The following RTTN variants were observed in gnomAD, a reference collection of about 807,000 sequenced individuals.
RTTN encodes the protein rotatin.
In RTTN, 182 loss-of-function variants were observed where a neutral mutation model predicts 269.2. That is an observed-to-expected ratio of 0.68 (90% CI 0.60 to 0.76). The LOEUF (loss-of-function observed/expected upper bound fraction) is 0.76. Among genes scored for constraint, RTTN ranks in the 30% least tolerant of loss-of-function variants. The probability of loss-of-function intolerance (pLI) is 0.00; values close to 1 mark genes in which losing one functional copy is unlikely to be tolerated. For missense variants in RTTN, 2,545 were observed against 2,608.6 expected, an observed-to-expected ratio of 0.98 and a Z score of 0.53; for synonymous variants, 1,006 against 963.5, an observed-to-expected ratio of 1.04 and a Z score of -0.82.
intron 7 of RTTN, chr18:70,194,532 C>T (rs1170326651): frequency 2.0e-5 from 3 of 152,236 alleles, no homozygotes; most frequent in Admixed American, 6.5e-5. Flanking sequence ...TTATTCACAA[C>T]CGCCAAATGT....
chr18:70,199,569 AGAGT>A, intron 4 of RTTN, 65 bp from the exon 5 acceptor site: 2 of 1,175,454 alleles, frequency 1.7e-6, no homozygotes, highest in African/African-American at 3.0e-5. Context: ...CACAATGTTA[AGAGT>A]AAGTTTTCCC....
intron 9 of RTTN, 102 bp downstream of exon 9, chr18:70,190,436 G>C (rs1218557585): frequency 2.8e-6 from 2 of 707,922 alleles, no homozygotes; most frequent in East Asian, 2.7e-5. Context: ...AGTAAATACA[G>C]ATTCCAAAGG....
At chr18:70,053,676 C>T (rs768835546) in intron 38 of RTTN, among the ~76,000 whole-genome samples, 21 of 152,208 alleles carry the variant, frequency 1.4e-4, no homozygotes, top group Non-Finnish European at 2.6e-4. Flanking sequence ...CTAAGCATTA[C>T]ATTCAACTTT....
chr18:70,112,914 G>C (rs1225669617), intron 27 of RTTN, among the ~76,000 whole-genome samples: 1 of 152,078 alleles, frequency 6.6e-6, no homozygotes, highest in Non-Finnish European at 1.5e-5. Context: ...CACATAATTG[G>C]AAGTAAAACA....
intron 14 of RTTN, among the ~76,000 whole-genome samples, chr18:70,159,522 T>C (rs182112020): frequency 6.6e-6 from 1 of 151,994 alleles, no homozygotes; most frequent in Non-Finnish European, 1.5e-5. Flanking sequence ...ACACCACACT[T>C]AGAGGAACTA....
At chr18:70,015,900 C>T (rs565594789) in intron 46 of RTTN, among the ~76,000 whole-genome samples, 1 of 152,196 alleles carries the variant, frequency 6.6e-6, no homozygotes, top group South Asian at 2.1e-4. Context: ...CTGCTATATA[C>T]CAAGAATGGT....
At chr18:70,140,525 T>C (rs2060230254) in intron 19 of RTTN, among the ~76,000 whole-genome samples, 1 of 152,152 alleles carries the variant, frequency 6.6e-6, no homozygotes, top group Admixed American at 6.5e-5. Context: ...CTTCTTTATA[T>C]TATTTCATTG....
chr18:70,145,685 C>T lies in RTTN; in HGVS notation c.2408G>A (p.Arg803Lys). The T allele has an allele frequency of 6.2e-7, 1 of 1,613,322 alleles. No homozygotes were observed. The highest frequency in any genetic ancestry group is 8.5e-7 in the Non-Finnish European group (1 of 1,179,478). ...CTTCCCAATGAATAAATCAGTAACT[C>T]TGGAGAGAACTCTGGCGTCTATTAG... ...RPLIDARVLSRVTDLFIGKKP... is the reference protein window; with the variant it reads ...RPLIDARVLSKVTDLFIGKKP... Residue 803 changes from arginine (R) to lysine (K), a missense_variant, in exon 18 of 49, where the codon AGA (arginine) becomes AAA (lysine). Transcript: ENST00000640769.
intron 37 of RTTN, among the ~76,000 whole-genome samples, 197 bp from the exon 38 acceptor site, chr18:70,054,481 A>G (rs1252720844): frequency 1.3e-5 from 2 of 152,216 alleles, no homozygotes; most frequent in African/African-American, 4.8e-5. Flanking sequence ...AATACTGTCA[A>G]CTATACACCA....
chr18:70,166,009 A>G, intron 14 of RTTN, 53 bp downstream of exon 14: 1 of 1,580,222 alleles, frequency 6.3e-7, no homozygotes, highest in Non-Finnish European at 8.7e-7. Flanking sequence ...GTATAACAAG[A>G]GAGTCTACTA....
Position 70,166,043 on chromosome 18 carries a change from C to A in RTTN, c.1929+19G>T. 6.2e-7 allele frequency: 1 copy of A among 1,611,090 alleles called. No individual in the cohort carries two copies. Among genetic ancestry groups the A allele is most frequent in the African/African-American group, 1.3e-5 (1 of 74,902 alleles). On this transcript the variant is annotated intron_variant, in intron 14 of 48. Coordinates refer to ENST00000640769, the MANE Select transcript of RTTN (RefSeq NM_173630.4). ...TATTTGTTCTCAAAAACAAAACATA[C>A]GAAAAAACAAAACCTCACCTTCGTG...
chr18:70,100,961 C>T (rs921638572), intron 28 of RTTN, among the ~76,000 whole-genome samples: 2 of 152,176 alleles, frequency 1.3e-5, no homozygotes, highest in African/African-American at 4.8e-5. Context: ...TTTTCATGTG[C>T]TGCTGGATTC....
At chr18:70,130,023 A>G (rs2059959301) in intron 23 of RTTN, 1 of 152,112 alleles carries the variant, frequency 6.6e-6, no homozygotes, top group South Asian at 2.1e-4. Flanking sequence ...AGGTATATGA[A>G]AAAATTCTCA....
chr18:70,099,934 G>T (rs899457473), intron 28 of RTTN, among the ~76,000 whole-genome samples: 3 of 152,110 alleles, frequency 2.0e-5, no homozygotes, highest in Admixed American at 1.3e-4. Flanking sequence ...TGTTCCATTG[G>T]TCTATATCTC....
intron 7 of RTTN, among the ~76,000 whole-genome samples, chr18:70,196,168 A>G (rs2061800480): frequency 6.6e-6 from 1 of 152,208 alleles, no homozygotes; most frequent in South Asian, 2.1e-4. Flanking sequence ...GTAACTTGCT[A>G]AATTGTCCAA....
At chr18:70,126,444 G>A (rs548959574) in intron 25 of RTTN, among the ~76,000 whole-genome samples, 1 of 152,188 alleles carries the variant, frequency 6.6e-6, no homozygotes, top group Non-Finnish European at 1.5e-5. Flanking sequence ...AATTTCCATG[G>A]TGTAAATATA....
intron 25 of RTTN, among the ~76,000 whole-genome samples, chr18:70,127,289 T>C (rs1432464591): frequency 1.3e-5 from 2 of 152,176 alleles, no homozygotes; most frequent in African/African-American, 2.4e-5. Flanking sequence ...TAAGAATAAA[T>C]TGTTACAAGT....
chr18:70,112,483 C>CAAAAAAAAAAAAAAAAA (rs36147576), intron 27 of RTTN, among the ~76,000 whole-genome samples: 2 of 68,054 alleles, frequency 2.9e-5, no homozygotes, highest in African/African-American at 1.1e-4. Context: ...AAATGGAAAG[C>CAAAAAAAAAAAAAAAAA]AAAAAAAAAA....
At chr18:70,108,057 A>T (rs2059368067) in intron 28 of RTTN, among the ~76,000 whole-genome samples, 1 of 152,108 alleles carries the variant, frequency 6.6e-6, no homozygotes, top group South Asian at 2.1e-4. Flanking sequence ...GGTGTGGATC[A>T]CCTGAGATCA....
Sources: allele counts gnomAD v4.1 joint callset (sites outside exome capture counted in the v4.1 genomes callset), GRCh38; gene constraint gnomAD v4.1.1; transcripts MANE v1.5; gene names NCBI Gene and HGNC (gene_info 2026-07-23, HGNC 2026-07-21).